Variants in SDK1 observed in about 807,000 individuals in gnomAD.
SDK1 encodes sidekick cell adhesion molecule 1.
In SDK1, 157 loss-of-function variants were observed where a neutral mutation model predicts 245.5. That is an observed-to-expected ratio of 0.64 (90% CI 0.56 to 0.73). The LOEUF (loss-of-function observed/expected upper bound fraction) is 0.73. Among genes scored for constraint, SDK1 ranks in the 30% least tolerant of loss-of-function variants. SDK1 has a pLI of 0.00. For synonymous variants in SDK1, 1,647 were observed against 1,278.5 expected, an observed-to-expected ratio of 1.29 and a Z score of -6.15; for missense variants, 3,583 against 3,002.3, an observed-to-expected ratio of 1.19 and a Z score of -4.52.
intron 1 of SDK1, among the ~76,000 whole-genome samples, chr7:3,419,405 C>T (rs960085525): frequency 2.0e-5 from 3 of 152,122 alleles, no homozygotes; most frequent in Non-Finnish European, 4.4e-5. Context: ...CTCATGTTCT[C>T]CTCCCTGACA....
intron 44 of SDK1, among the ~76,000 whole-genome samples, chr7:4,252,347 G>C (rs910412594): frequency 6.6e-6 from 1 of 151,980 alleles, no homozygotes. Flanking sequence ...TGAGAATGAT[G>C]GTTTCCAGCT....
At chr7:3,583,192 G>T (rs538977081) in intron 1 of SDK1, among the ~76,000 whole-genome samples, 3 of 152,132 alleles carry the variant, frequency 2.0e-5, no homozygotes, top group Non-Finnish European at 4.4e-5. Context: ...TACAGCTCTC[G>T]GGCTAATGAG....
At chr7:3,871,690 A>G (rs1436521465) in intron 5 of SDK1, among the ~76,000 whole-genome samples, 1 of 152,178 alleles carries the variant, frequency 6.6e-6, no homozygotes, top group African/African-American at 2.4e-5. Context: ...ACTCCCTTTA[A>G]CAATCAGCCC....
intron 1 of SDK1, among the ~76,000 whole-genome samples, chr7:3,485,124 C>T (rs543775653): frequency 1.3e-5 from 2 of 152,098 alleles, no homozygotes; most frequent in African/African-American, 2.4e-5. Flanking sequence ...TCACCAAGAC[C>T]GTATGAACAT....
intron 4 of SDK1, chr7:3,643,509 T>A (rs1782719568): frequency 7.1e-6 from 1 of 141,572 alleles, no homozygotes; most frequent in Non-Finnish European, 1.5e-5. Context: ...AACTGTGGAA[T>A]TCCTTCCGTA....
intron 28 of SDK1, among the ~76,000 whole-genome samples, chr7:4,137,685 C>G (rs1336824241): frequency 1.3e-5 from 2 of 152,228 alleles, no homozygotes; most frequent in Admixed American, 1.3e-4. Context: ...AAACAGGGCT[C>G]CTCGTAAGCC....
chr7:3,850,659 A>G (rs369872262), intron 5 of SDK1, among the ~76,000 whole-genome samples: 1 of 152,214 alleles, frequency 6.6e-6, no homozygotes, highest in African/African-American at 2.4e-5. Flanking sequence ...CATATACACC[A>G]TGGAATACTA....
chr7:3,805,897 C>T (rs1481128550), intron 4 of SDK1, among the ~76,000 whole-genome samples: 1 of 152,164 alleles, frequency 6.6e-6, no homozygotes, highest in Admixed American at 6.5e-5. Context: ...TTCCAAGTCA[C>T]CTCCTTGTAG....
At chr7:3,497,807 T>G (rs940824176) in intron 1 of SDK1, among the ~76,000 whole-genome samples, 12 of 152,230 alleles carry the variant, frequency 7.9e-5, no homozygotes, top group African/African-American at 2.7e-4. Context: ...ACACAATAAT[T>G]TGACAGACAA....
chr7:4,114,803 T>C (rs999641865), intron 25 of SDK1, among the ~76,000 whole-genome samples: 3 of 152,150 alleles, frequency 2.0e-5, no homozygotes, highest in Non-Finnish European at 2.9e-5. Flanking sequence ...GGCTTTACCG[T>C]TCTGTGGGAC....
At chr7:4,063,917 T>C (rs1779708268) in intron 19 of SDK1, among the ~76,000 whole-genome samples, 1 of 151,958 alleles carries the variant, frequency 6.6e-6, no homozygotes. Flanking sequence ...AGATCGAAAT[T>C]AAAAAATAAC....
intron 5 of SDK1, among the ~76,000 whole-genome samples, chr7:3,847,572 C>T (rs1228030408): frequency 2.6e-5 from 4 of 152,172 alleles, no homozygotes; most frequent in African/African-American, 9.7e-5. Context: ...CTGCTTCTCA[C>T]GCTGGTCTTT....
At chr7:4,254,101 G>A (rs1421482298) in intron 44 of SDK1, among the ~76,000 whole-genome samples, 1 of 151,702 alleles carries the variant, frequency 6.6e-6, no homozygotes, top group East Asian at 1.9e-4. Flanking sequence ...TTTTCTTTTT[G>A]TGCTATTACT....
At chr7:3,344,920 C>G (rs749159673) in intron 1 of SDK1, among the ~76,000 whole-genome samples, 1 of 152,298 alleles carries the variant, frequency 6.6e-6, no homozygotes, top group African/African-American at 2.4e-5. Flanking sequence ...GCTTCATTTC[C>G]AGGTCCACAC....
At chr7:3,941,208 C>T (rs765540383) in intron 5 of SDK1, among the ~76,000 whole-genome samples, 5 of 152,124 alleles carry the variant, frequency 3.3e-5, no homozygotes, top group Non-Finnish European at 5.9e-5. Context: ...CATACTCACC[C>T]CCGTCTTTCT....
chr7:4,197,702 C>G lies in SDK1; in HGVS notation c.5099-8177C>G, dbSNP rs6978785. ...TTGCTGGCCTGGCCTGTTCTCCACC[C>G]TCGTTTGCTCCTGGGTCTTGTAAAC... is the stretch of plus-strand genomic sequence containing the variant. On this transcript the variant is annotated intron_variant, in intron 35 of 44. Transcript: ENST00000404826. 5.0e-3 allele frequency among the ~76,000 whole-genome samples: 761 copies of G among 152,304 alleles called. 4 individuals are homozygous for G. The highest frequency in any genetic ancestry group is 0.018 in the African/African-American group (738 of 41,560).
rs1262092066 is a variant in SDK1, at chr7:4,258,374, G to A, written c.6382-6750G>A. 2.6e-5 allele frequency among the ~76,000 whole-genome samples: 4 copies of A among 152,174 alleles called. No homozygotes were observed. In the South Asian group the frequency reaches 8.3e-4, roughly 32 times the overall value. ...GGCAGGGGTGTACACAGGGCAGAGAGATGCCCAAAGGGTCACCGAGTGGGT... is the reference window on the plus strand; with the variant it reads ...GGCAGGGGTGTACACAGGGCAGAGAAATGCCCAAAGGGTCACCGAGTGGGT... On this transcript the variant is annotated intron_variant, in intron 44 of 44. Coordinates refer to ENST00000404826, the MANE Select transcript of SDK1 (RefSeq NM_152744.4).
chr7:4,198,575 T>A (rs1783712955), intron 35 of SDK1, among the ~76,000 whole-genome samples: 1 of 152,206 alleles, frequency 6.6e-6, no homozygotes, highest in South Asian at 2.1e-4. Flanking sequence ...GTGCATGTTG[T>A]TGGAGGCTGC....
intron 1 of SDK1, among the ~76,000 whole-genome samples, chr7:3,552,843 G>A (rs538467062): frequency 6.6e-6 from 1 of 152,202 alleles, no homozygotes; most frequent in African/African-American, 2.4e-5. Flanking sequence ...AATAAATTCA[G>A]AAGTGGAAGG....
Sources: allele counts gnomAD v4.1 joint callset (sites outside exome capture counted in the v4.1 genomes callset), GRCh38; gene constraint gnomAD v4.1.1; transcripts MANE v1.5; gene names NCBI Gene and HGNC (gene_info 2026-07-23, HGNC 2026-07-21).